PLD5: variants seen among roughly 807,000 people sequenced by gnomAD.
PLD5 encodes the protein inactive phospholipase D5.
In PLD5, 36 loss-of-function variants were observed where a neutral mutation model predicts 61.1. The ratio of observed to expected loss-of-function variants is 0.59; its 90% confidence interval spans 0.45 to 0.78. The LOEUF (loss-of-function observed/expected upper bound fraction) is 0.78, where lower values mean the gene tolerates loss of function less well. Ranked by LOEUF, PLD5 falls within the 30% of genes least tolerant of loss-of-function variation. The pLI is 0.00. For synonymous variants in PLD5, 243 were observed against 242.8 expected (o/e 1.00, Z -0.01); for missense variants, 515 against 644.4 (o/e 0.80, Z 2.17).
chr1:242,525,512 T>A (rs868769), upstream of PLD5, among the ~76,000 whole-genome samples: 45,694 of 152,214 alleles, frequency 0.3, 7,458 homozygotes, highest in African/African-American at 0.42. Context: ...ATAGGGTGGC[T>A]TGTTCGCGAT....
chr1:242,459,327 A>G (rs893632075), intron 1 of PLD5, among the ~76,000 whole-genome samples: 2 of 152,188 alleles, frequency 1.3e-5, no homozygotes, highest in African/African-American at 4.8e-5. Flanking sequence ...TCTCAAGCAC[A>G]CTTACCTGCT....
At position 242,315,431 on chromosome 1, in the gene PLD5, A is replaced by T. The variant is rs572429882; in HGVS notation, c.327-26901T>A. Among the ~76,000 whole-genome samples the T allele has an allele frequency of 5.9e-5, 9 of 152,282 alleles. 1 individual carries two copies. In the South Asian group the frequency reaches 1.9e-3, roughly 32 times the overall value. On this transcript the variant is annotated intron_variant, in intron 2 of 9. Coordinates refer to ENST00000536534, the MANE Select transcript of PLD5 (RefSeq NM_001372062.1). ...TTTATTGAGTACCTACAATGATTTA[A>T]AAATTATGCTAGACGTTCGGGAAAT...
At chr1:242,106,092 GA>G (rs1661034523) in intron 8 of PLD5, among the ~76,000 whole-genome samples, 1 of 152,164 alleles carries the variant, frequency 6.6e-6, no homozygotes, top group African/African-American at 2.4e-5. Flanking sequence ...CTGCCCAGAA[GA>G]GTTTTATAAT....
At chr1:242,424,444 T>C (rs1665307516) in intron 1 of PLD5, among the ~76,000 whole-genome samples, 1 of 152,138 alleles carries the variant, frequency 6.6e-6, no homozygotes, top group Non-Finnish European at 1.5e-5. Flanking sequence ...TACGCCCAGA[T>C]TTTTTCTCTG....
intron 1 of PLD5, among the ~76,000 whole-genome samples, chr1:242,457,943 C>T (rs945347460): frequency 2.6e-5 from 4 of 152,182 alleles, no homozygotes; most frequent in Admixed American, 1.3e-4. Flanking sequence ...TGTAGATGAT[C>T]GTTGTCCTGA....
chr1:242,353,271 C>A (rs1362427703), intron 1 of PLD5, among the ~76,000 whole-genome samples: 2 of 152,220 alleles, frequency 1.3e-5, no homozygotes, highest in East Asian at 3.9e-4. Context: ...TTATTGAAGA[C>A]AGTGCTCTTT....
chr1:242,120,187 G>A (rs949243125), intron 6 of PLD5, among the ~76,000 whole-genome samples: 9 of 152,176 alleles, frequency 5.9e-5, no homozygotes, highest in East Asian at 1.9e-4. Context: ...AAATAGTGAC[G>A]GCTAATCAGT....
At chr1:242,326,019 T>C (rs10803036) in intron 2 of PLD5, among the ~76,000 whole-genome samples, 131,167 of 152,086 alleles carry the variant, frequency 0.86, 57,050 homozygotes, top group East Asian at 0.95. Flanking sequence ...TCCCGAGTAG[T>C]TGGGACTACA....
chr1:242,459,827 G>C (rs1166635556), intron 1 of PLD5, among the ~76,000 whole-genome samples: 1 of 152,130 alleles, frequency 6.6e-6, no homozygotes, highest in Non-Finnish European at 1.5e-5. Flanking sequence ...TGTGACTCTT[G>C]TGGAAAGCCT....
chr1:242,096,282 CAGA>C (rs1286985920), intron 9 of PLD5, among the ~76,000 whole-genome samples: 1 of 151,514 alleles, frequency 6.6e-6, no homozygotes, highest in Non-Finnish European at 1.5e-5. Context: ...GGAGCACCAC[CAGA>C]AGGTCAGAAG....
At chr1:242,249,188 G>A (rs1207142555) in intron 4 of PLD5, among the ~76,000 whole-genome samples, 9 of 152,168 alleles carry the variant, frequency 5.9e-5, no homozygotes, top group Non-Finnish European at 1.2e-4. Context: ...GGGCCTTTAA[G>A]AGGTATTTAA....
At chr1:242,196,930 G>A (rs930424521) in intron 5 of PLD5, among the ~76,000 whole-genome samples, 1 of 152,230 alleles carries the variant, frequency 6.6e-6, no homozygotes, top group African/African-American at 2.4e-5. Flanking sequence ...ACCCCTTCAA[G>A]TATTATTATT....
intron 1 of PLD5, among the ~76,000 whole-genome samples, chr1:242,456,719 C>T (rs1026086980): frequency 4.6e-5 from 7 of 152,126 alleles, no homozygotes; most frequent in Non-Finnish European, 7.3e-5. Flanking sequence ...GGGAGGACTT[C>T]ATTAAAATCT....
chr1:242,506,241 T>C (rs958039370), intron 1 of PLD5, among the ~76,000 whole-genome samples: 1 of 152,176 alleles, frequency 6.6e-6, no homozygotes, highest in Non-Finnish European at 1.5e-5. Context: ...GGTATATACA[T>C]CTTAGTGATC....
intron 1 of PLD5, among the ~76,000 whole-genome samples, chr1:242,350,448 C>CGT (rs1274471525): frequency 1.3e-4 from 15 of 116,624 alleles, no homozygotes; most frequent in African/African-American, 4.3e-4. Flanking sequence ...CACACACACA[C>CGT]ACACACACAC....
At chr1:242,529,459 T>C (rs1444811314), upstream of PLD5, among the ~76,000 whole-genome samples, 11 of 152,104 alleles carry the variant, frequency 7.2e-5, no homozygotes, top group Non-Finnish European at 1.2e-4. Context: ...AACAGAGCCA[T>C]CCCTATGTTA....
At chr1:242,171,435 A>T (rs1461953372) in intron 5 of PLD5, among the ~76,000 whole-genome samples, 1 of 152,174 alleles carries the variant, frequency 6.6e-6, no homozygotes, top group East Asian at 1.9e-4. Context: ...TTTTGCAAAA[A>T]CATACCAAAT....
Position 242,267,528 on chromosome 1 carries a change from A to G in PLD5, c.496-2080T>C, listed in dbSNP as rs189173677. Among the ~76,000 whole-genome samples, 222 of 152,338 alleles carry G rather than the reference A, an allele frequency of 1.5e-3. 1 individual carries two copies. The highest frequency in any genetic ancestry group is 5.1e-3 in the African/African-American group (213 of 41,588). On this transcript the variant is annotated intron_variant, in intron 3 of 9. Transcript: ENST00000536534. ...ACTCCAAAAGCCTGGAGGAAGCCTC[A>G]CCACAAACCAGGTATTCTGGTATGG...
At chr1:242,117,701 A>C (rs2574669) in intron 6 of PLD5, among the ~76,000 whole-genome samples, 67,330 of 152,044 alleles carry the variant, frequency 0.44, 15,264 homozygotes, top group East Asian at 0.62. Context: ...TTAAATCTCC[A>C]ATCAAAGGTT....
Sources: allele counts gnomAD v4.1 joint callset (sites outside exome capture counted in the v4.1 genomes callset), GRCh38; gene constraint gnomAD v4.1.1; transcripts MANE v1.5; gene names NCBI Gene and HGNC (gene_info 2026-07-23, HGNC 2026-07-21).